The following PYCR1 variants were observed in gnomAD, a reference collection of about 807,000 sequenced individuals.
PYCR1 encodes pyrroline-5-carboxylate reductase 1.
PYCR1 carries 19 observed loss-of-function variants against 22.9 expected under a neutral mutation model. The ratio of observed to expected loss-of-function variants is 0.83; its 90% CI spans 0.58 to 1.22. The LOEUF (loss-of-function observed/expected upper bound fraction) is 1.22. Ranked by LOEUF, PYCR1 falls within the 50% of genes most tolerant of loss-of-function variation. The pLI is 0.00. For synonymous variants in PYCR1, 175 were observed against 180.5 expected, an observed-to-expected ratio of 0.97 and a Z score of 0.24; for missense variants, 429 against 431.3, an observed-to-expected ratio of 0.99 and a Z score of 0.05.
intron 4 of PYCR1, 70 bp from the exon 5 acceptor site, chr17:81,934,815 T>C: frequency 6.5e-7 from 1 of 1,536,316 alleles, no homozygotes; most frequent in Non-Finnish European, 8.8e-7. Context: ...AAGCTCCAGT[T>C]CCCACAGCCT....
At chr17:81,933,491 C>A in intron 6 of PYCR1, 115 bp from the exon 7 acceptor site, 1 of 1,292,480 alleles carries the variant, frequency 7.7e-7, no homozygotes, top group Non-Finnish European at 1.1e-6. Flanking sequence ...ACCCTCACCT[C>A]AGCACCTTTA....
In PYCR1 at chr17:81,934,320, G is replaced by A. The variant is rs200710730; in HGVS notation, c.797+6C>T. Reference sequence around the variant, plus strand: ...GACCAGGGAAGCGGGCAGCGCGGGGGCCCACCGTGTGCGGATGCAGGAGGC... The same window carrying A: ...GACCAGGGAAGCGGGCAGCGCGGGGACCCACCGTGTGCGGATGCAGGAGGC... On this transcript the variant is annotated splice_donor_region_variant and intron_variant, in intron 6 of 6. Coordinates refer to ENST00000329875, the MANE Select transcript of PYCR1 (RefSeq NM_006907.4). 1.9e-6 allele frequency: 3 copies of A among 1,612,660 alleles called. No homozygotes were observed. The Admixed American group carries it at 5.0e-5, about 27-fold the overall frequency.
chr17:81,932,802 G>A lies in PYCR1; in HGVS notation c.*412C>T. 1.3e-6 allele frequency: 2 copies of A among 1,520,282 alleles called. No homozygotes were observed. The highest frequency in any genetic ancestry group is 1.2e-5 in the South Asian group (1 of 84,074). The allele number at this position is 1,520,282 out of a possible 1,614,324, so 94.2% of individuals were successfully genotyped here. On this transcript the variant is annotated 3_prime_UTR_variant, in exon 7 of 7. Coordinates refer to ENST00000329875, the MANE Select transcript of PYCR1 (RefSeq NM_006907.4). ...AAGGAGAGGTTTCTCCCTGAATGGA[G>A]GGCAGGGAGGGGCCGGGAGGGGGCG...
chr17:81,936,559 C>G (rs988651171), intron 1 of PYCR1, among the ~76,000 whole-genome samples, 189 bp downstream of exon 1: 4 of 152,208 alleles, frequency 2.6e-5, no homozygotes, highest in African/African-American at 9.7e-5. Flanking sequence ...GCTTTGGCTT[C>G]CCTCCCTCCC....
intron 6 of PYCR1, 146 bp from the exon 7 acceptor site, chr17:81,933,522 G>C: frequency 1.0e-6 from 1 of 984,422 alleles, no homozygotes; most frequent in Non-Finnish European, 1.5e-6. Context: ...CCAGCGACAC[G>C]CCCCCACACA....
At chr17:81,933,593 T>C (rs1286667861) in intron 6 of PYCR1, among the ~76,000 whole-genome samples, 1 of 152,172 alleles carries the variant, frequency 6.6e-6, no homozygotes, top group African/African-American at 2.4e-5. Context: ...CTCCCCGCAG[T>C]GCCCCCCAGA....
In PYCR1 at chr17:81,933,245, G is replaced by A. The variant is rs1464659828; in HGVS notation, c.929C>T (p.Pro310Leu). 1.9e-6 allele frequency: 3 copies of A among 1,613,932 alleles called. No individual in the cohort carries two copies. The highest frequency in any genetic ancestry group is 2.5e-6 in the Non-Finnish European group (3 of 1,180,018). Reference protein sequence around the residue: ...LSPSGHTKLLPRSLAPAGKD With the variant: ...LSPSGHTKLLLRSLAPAGKD ...CTTGCCCGCTGGGGCCAGGCTGCGG[G>A]GGAGCAGCTTGGTGTGGCCAGAAGG... Residue 310 changes from proline to leucine, a missense_variant, in exon 7 of 7, where the codon CCC becomes CTC. Physicochemically the swap from Pro to Leu is moderately conservative, Grantham distance 98. Transcript: ENST00000329875.
In PYCR1 at chr17:81,937,259, C is replaced by G; in HGVS notation, c.-445G>C. ...CCAGCTACCGTGCGCGGGTCGTACC[C>G]ACCCCTCAGCGCTGCGGCCGCCACG... On this transcript the variant is annotated 5_prime_UTR_variant, in exon 1 of 7. Transcript: ENST00000329875. 1 of 1,310,774 alleles carries G rather than the reference C, an allele frequency of 7.6e-7. No individual in the cohort carries two copies. Among genetic ancestry groups the G allele is most frequent in the Non-Finnish European group, 9.8e-7 (1 of 1,023,518 alleles). The allele number at this position is 1,310,774 out of a possible 1,614,324, so 81.2% of individuals were successfully genotyped here. A position where few individuals can be genotyped will look rare whatever the true frequency, so the allele number is the denominator to read the frequency against.
chr17:81,935,050 G>A lies in PYCR1; in HGVS notation c.416C>T (p.Thr139Met), dbSNP rs145576273. 3.0e-5 allele frequency: 48 copies of A among 1,610,498 alleles called. No homozygotes were observed. Among genetic ancestry groups the A allele is most frequent in the South Asian group, 1.2e-4 (11 of 91,016 alleles). Residue 139 changes from threonine to methionine, a missense_variant, in exon 4 of 7, where the codon ACG becomes ATG. Thr to Met is a moderately conservative substitution (Grantham distance 81). Coordinates refer to ENST00000329875, the MANE Select transcript of PYCR1 (RefSeq NM_006907.4). ...CCTCCCGTCCTCCACCTGGGCGTGCGTGCCTGTGGCATACACGGTGGCCCC... is the reference window on the plus strand; with the variant it reads ...CCTCCCGTCCTCCACCTGGGCGTGCATGCCTGTGGCATACACGGTGGCCCC... ...REGATVYATGTHAQVEDGRLM... is the reference protein window; with the variant it reads ...REGATVYATGMHAQVEDGRLM...
Position 81,934,694 on chromosome 17 carries a change from G to A in PYCR1, c.592C>T (p.Pro198Ser). The A allele has an allele frequency of 1.3e-6, 2 of 1,573,372 alleles. No homozygotes were observed. Among genetic ancestry groups the A allele is most frequent in the Non-Finnish European group, 8.6e-7 (1 of 1,160,142 alleles). ...CCGAGGCGGACTGCCAGGCGCCTTG[G>A]AAGTCCCATCTTCACACCCCCATCA... ...LADGGVKMGL[P>S]RRLAVRLGAQ... The change falls in exon 5 of 7, where the codon CCA becomes TCA. Residue 198 changes from proline (P) to serine (S), a missense_variant. Physicochemically the swap from Pro to Ser is moderately conservative, Grantham distance 74 (BLOSUM62 -1). Coordinates refer to ENST00000329875, the MANE Select transcript of PYCR1 (RefSeq NM_006907.4).
chr17:81,934,087 A>AG, intron 6 of PYCR1: 1 of 604,502 alleles, frequency 1.7e-6, no homozygotes, highest in Non-Finnish European at 3.0e-6. Context: ...CTATGTGGGG[A>AG]GCACAGGGCA....
Position 81,936,730 on chromosome 17 carries a change from C to T in PYCR1, c.67+18G>A. 2 of 1,597,610 alleles carry T rather than the reference C, an allele frequency of 1.3e-6. No homozygotes were observed. The highest frequency in any genetic ancestry group is 2.3e-5 in the East Asian group (1 of 44,300). ...GTCTCTCCCACTGGGCCTCACCGTC[C>T]CCCACCTGGGGGCCTACCTGCTGCT... On this transcript the variant is annotated intron_variant, in intron 1 of 6. Transcript: ENST00000329875.
chr17:81,932,568 CT>C lies in PYCR1; in HGVS notation c.*645del. 4.8e-6 allele frequency: 2 copies of C among 414,868 alleles called. No individual in the cohort carries two copies. Among genetic ancestry groups the C allele is most frequent in the Non-Finnish European group, 9.1e-6 (2 of 219,634 alleles). The allele number at this position is 414,868 out of a possible 1,614,324, so 25.7% of individuals were successfully genotyped here. A position where few individuals can be genotyped will look rare whatever the true frequency, so the allele number is the denominator to read the frequency against. On this transcript the variant is annotated 3_prime_UTR_variant, in exon 7 of 7. Coordinates refer to ENST00000329875, the MANE Select transcript of PYCR1 (RefSeq NM_006907.4). ...CAGGACACTGGGGGCTGGAAACCAACTTATAAAACTGAAAGGGCCAGGACAG... is the reference window on the plus strand; with the variant it reads ...CAGGACACTGGGGGCTGGAAACCAACTATAAAACTGAAAGGGCCAGGACAG...
rs2041035225 is a variant in PYCR1, at chr17:81,933,135, G to A, written c.*79C>T. On this transcript the variant is annotated 3_prime_UTR_variant, in exon 7 of 7. Transcript: ENST00000329875. ...CGCTGATCAGAGCCACAGAAAGTGG[G>A]CCACTTTGGGGACCCCCTAGTCCCC... The A allele has an allele frequency of 3.1e-6, 5 of 1,606,658 alleles. No homozygotes were observed. The highest frequency in any genetic ancestry group is 4.2e-6 in the Non-Finnish European group (5 of 1,179,092).
At chr17:81,935,577 A>AAG (rs2041164673) in intron 2 of PYCR1, 61 bp from the exon 3 acceptor site, 1 of 1,473,702 alleles carries the variant, frequency 6.8e-7, no homozygotes, top group African/African-American at 1.4e-5. Context: ...CCACCAAGCC[A>AAG]AGAGCCCCAC....
At position 81,934,708 on chromosome 17, in the gene PYCR1, A is replaced by C; in HGVS notation, c.578T>G (p.Val193Gly). ...TALDALADGGVKMGLPRRLAV... is the reference protein window; with the variant it reads ...TALDALADGGGKMGLPRRLAV... ...CAGGCGCCTTGGAAGTCCCATCTTC[A>C]CACCCCCATCAGCCAGGGCATCCAG... Residue 193 changes from valine to glycine, a missense_variant, in exon 5 of 7, where the codon GTG (valine) becomes GGG (glycine). Transcript: ENST00000329875. 1.9e-6 allele frequency: 3 copies of C among 1,571,896 alleles called. No homozygotes were observed. Among genetic ancestry groups the C allele is most frequent in the Non-Finnish European group, 2.6e-6 (3 of 1,159,328 alleles).
At position 81,937,259 on chromosome 17, in the gene PYCR1, C is replaced by T. The variant is rs1406968900; in HGVS notation, c.-445G>A. 24 of 1,310,664 alleles carry T rather than the reference C, an allele frequency of 1.8e-5. No homozygotes were observed. The highest frequency in any genetic ancestry group is 2.4e-4 in the Middle Eastern group (1 of 4,252). 81.2% of individuals were successfully genotyped at this position (1,310,664 alleles called of 1,614,324 possible). A position where few individuals can be genotyped will look rare whatever the true frequency, so the allele number is the denominator to read the frequency against. On this transcript the variant is annotated 5_prime_UTR_variant, in exon 1 of 7. Transcript: ENST00000329875. ...CCAGCTACCGTGCGCGGGTCGTACC[C>T]ACCCCTCAGCGCTGCGGCCGCCACG...
chr17:81,932,607 C>T lies in PYCR1; in HGVS notation c.*607G>A, dbSNP rs1427568776. 3.9e-6 allele frequency: 2 copies of T among 514,042 alleles called. No homozygotes were observed. The highest frequency in any genetic ancestry group is 1.9e-5 in the African/African-American group (1 of 51,722). 31.8% of individuals were successfully genotyped at this position (514,042 alleles called of 1,614,324 possible). On this transcript the variant is annotated 3_prime_UTR_variant, in exon 7 of 7. Coordinates refer to ENST00000329875, the MANE Select transcript of PYCR1 (RefSeq NM_006907.4). ...AGGGCCAGGACAGAACTGATAGCAC[C>T]CTCCCAGGGAGGTCAGGAGCAGGAG...
In PYCR1 at chr17:81,936,636, G is replaced by C. The variant is rs541784191; in HGVS notation, c.67+112C>G. 1.9e-4 allele frequency: 230 copies of C among 1,207,306 alleles called. No homozygotes were observed. The African/African-American group carries it at 3.2e-3, about 17-fold the overall frequency. The allele number at this position is 1,207,306 out of a possible 1,614,324, so 74.8% of individuals were successfully genotyped here. A position where few individuals can be genotyped will look rare whatever the true frequency, so the allele number is the denominator to read the frequency against. On this transcript the variant is annotated intron_variant, in intron 1 of 6. Coordinates refer to ENST00000329875, the MANE Select transcript of PYCR1 (RefSeq NM_006907.4). ...AAACACACAGAAGTTGCCAGTTCCC[G>C]CAGGACTCAGGCCTTGTGACCCAGC...
Sources: allele counts gnomAD v4.1 joint callset (sites outside exome capture counted in the v4.1 genomes callset), GRCh38; gene constraint gnomAD v4.1.1; transcripts MANE v1.5; gene names NCBI Gene and HGNC (gene_info 2026-07-23, HGNC 2026-07-21).